CSF1R: variants seen among roughly 807,000 people sequenced by gnomAD.
CSF1R encodes colony stimulating factor 1 receptor.
In CSF1R, 40 loss-of-function variants were observed where a neutral mutation model predicts 110.0. The ratio of observed to expected loss-of-function variants is 0.36; its 90% CI spans 0.28 to 0.47. The LOEUF (loss-of-function observed/expected upper bound fraction) is 0.47. Among genes scored for constraint, CSF1R ranks in the 20% least tolerant of loss-of-function variants. The pLI, the probability that CSF1R is intolerant of heterozygous loss-of-function variation, is 0.99. For synonymous variants in CSF1R, 523 were observed against 503.4 expected (o/e 1.04, Z -0.52); for missense variants, 1,052 against 1,253.0 (o/e 0.84, Z 2.42).
chr5:150,100,936 C>CA, intron 1 of CSF1R, among the ~76,000 whole-genome samples: 1 of 152,188 alleles, frequency 6.6e-6, no homozygotes, highest in Non-Finnish European at 1.5e-5. Context: ...TACATGGTGG[C>CA]AAATGCCTTC....
rs1000260405 is a variant in CSF1R at position 150,070,680 on chromosome 5, T to C, written c.1083-109A>G. The C allele has an allele frequency of 1.6e-5, 12 of 772,444 alleles. No homozygotes were observed. In the African/African-American group the frequency reaches 2.2e-4, roughly 14 times the overall value. 47.8% of individuals were successfully genotyped at this position (772,444 alleles called of 1,614,324 possible). The stretch of plus-strand genomic sequence containing the variant: ...GGGGTTTATTTTATTTTTGGTAAAA[T>C]ATTCAGGGCCCAACGGCCTTGGGTA... On this transcript the variant is annotated intron_variant, in intron 6 of 20. Coordinates refer to ENST00000675795, the MANE Select transcript of CSF1R (RefSeq NM_001288705.3).
At chr5:150,076,332 A>G (rs1032539670) in intron 5 of CSF1R, among the ~76,000 whole-genome samples, 2 of 68,470 alleles carry the variant, frequency 2.9e-5, no homozygotes, top group African/African-American at 1.5e-4. Context: ...CTATCTATCT[A>G]TCTATCTATC....
At chr5:150,109,662 T>C (rs142283039) in intron 1 of CSF1R, among the ~76,000 whole-genome samples, 1 of 152,358 alleles carries the variant, frequency 6.6e-6, no homozygotes, top group East Asian at 1.9e-4. Context: ...GTTGTTTGTA[T>C]GTTTGATTTT....
At chr5:150,088,914 G>A (rs1050332878), upstream of CSF1R, among the ~76,000 whole-genome samples, 3 of 152,034 alleles carry the variant, frequency 2.0e-5, no homozygotes, top group East Asian at 1.9e-4. Context: ...ATACAACAGT[G>A]GTTTAACACA....
At chr5:150,087,646 C>T (rs2113847890), upstream of CSF1R, among the ~76,000 whole-genome samples, 1 of 152,258 alleles carries the variant, frequency 6.6e-6, no homozygotes, top group Non-Finnish European at 1.5e-5. Context: ...CCCTCTTTTC[C>T]TGGAGGCAAT....
chr5:150,081,796 C>G (rs1758554929), intron 1 of CSF1R, among the ~76,000 whole-genome samples: 1 of 152,214 alleles, frequency 6.6e-6, no homozygotes, highest in Admixed American at 6.5e-5. Flanking sequence ...ACTGGGAAGC[C>G]AATCTCTTTT....
rs772168972 is a variant in CSF1R, at chr5:150,069,903, C to T, written c.1480G>A (p.Gly494Ser). The part of the protein sequence containing the change: ...ECRAHNSVGS[G>S]SWAFIPISAG... ...GAGATGGGTATGAAGGCCCAGGAGCCACTCCCCACGCTGTTGTGGGCCCTG... is the reference window on the plus strand; with the variant it reads ...GAGATGGGTATGAAGGCCCAGGAGCTACTCCCCACGCTGTTGTGGGCCCTG... The change falls in exon 9 of 21, where the codon GGC (glycine) becomes AGC (serine). Residue 494 changes from glycine (G) to serine (S), a missense_variant. Transcript: ENST00000675795. The T allele has an allele frequency of 3.1e-6, 5 of 1,613,506 alleles. No individual in the cohort carries two copies. The Admixed American group carries it at 8.3e-5, about 27-fold the overall frequency.
At chr5:150,068,677 G>A (rs528372847) in intron 9 of CSF1R, among the ~76,000 whole-genome samples, 1 of 152,278 alleles carries the variant, frequency 6.6e-6, no homozygotes, top group East Asian at 1.9e-4. Flanking sequence ...TGGCTTGCAT[G>A]CACTACACCT....
upstream of CSF1R, among the ~76,000 whole-genome samples, chr5:150,091,191 TGAAAAA>T (rs1759026275): frequency 6.6e-6 from 1 of 152,052 alleles, no homozygotes; most frequent in Non-Finnish European, 1.5e-5. Flanking sequence ...TTGGTGAAAA[TGAAAAA>T]TGGTGCAGCT....
At chr5:150,080,381 T>C (rs1758481419) in intron 2 of CSF1R, 45 bp from the exon 3 acceptor site, 1 of 1,589,860 alleles carries the variant, frequency 6.3e-7, no homozygotes, top group East Asian at 2.2e-5. Flanking sequence ...CTCCCTCCAC[T>C]GGGCCAAGGA....
In CSF1R at chr5:150,053,841, G is replaced by A. The variant is rs1032006548; in HGVS notation, c.*228C>T. ...ACCATGAGAACAGTAGGGGAGGGGG[G>A]GGTGAGGGCTCAGCCCCCAGCCCCT... On this transcript the variant is annotated 3_prime_UTR_variant, in exon 21 of 21. Transcript: ENST00000675795. The A allele has an allele frequency of 6.8e-6, 4 of 590,402 alleles. No individual in the cohort carries two copies. The highest frequency in any genetic ancestry group is 3.7e-5 in the African/African-American group (2 of 53,594). 36.6% of individuals were successfully genotyped at this position (590,402 alleles called of 1,614,324 possible). A position where few individuals can be genotyped will look rare whatever the true frequency, so the allele number is the denominator to read the frequency against.
chr5:150,107,219 A>G (rs1759583110), intron 1 of CSF1R, among the ~76,000 whole-genome samples: 1 of 152,282 alleles, frequency 6.6e-6, no homozygotes. Context: ...GGCTCAGAGC[A>G]CTTTCCTGCA....
upstream of CSF1R, among the ~76,000 whole-genome samples, chr5:150,087,837 C>T (rs1345374514): frequency 6.6e-6 from 1 of 151,756 alleles, no homozygotes; most frequent in East Asian, 1.9e-4. Flanking sequence ...GGACTCAAGC[C>T]ATCCTCCTAC....
intron 1 of CSF1R, among the ~76,000 whole-genome samples, chr5:150,083,418 A>G (rs1758651801): frequency 6.7e-6 from 1 of 149,288 alleles, no homozygotes; most frequent in Admixed American, 6.6e-5. Context: ...CTAAGGCTGG[A>G]CACAGCCCCT....
In CSF1R at chr5:150,084,463, A is replaced by G. The variant is rs530440247; in HGVS notation, c.49+1916T>C. Among the ~76,000 whole-genome samples, 79 of 89,514 alleles carry G rather than the reference A, an allele frequency of 8.8e-4. 2 individuals are homozygous for G. The highest frequency in any genetic ancestry group is 8.4e-3 in the South Asian group (26 of 3,082). The allele number at this position is 89,514 out of a possible 152,430, so 58.7% of individuals were successfully genotyped here. ...GGAAGGAAGGAAGGAAGGAAGAAAG[A>G]AAGGAAGGAGATGGAGTCTTGCTCT... On this transcript the variant is annotated intron_variant, in intron 1 of 20. Coordinates refer to ENST00000675795, the MANE Select transcript of CSF1R (RefSeq NM_001288705.3).
At chr5:150,102,471 C>T (rs756701303) in intron 1 of CSF1R, among the ~76,000 whole-genome samples, 2 of 151,956 alleles carry the variant, frequency 1.3e-5, no homozygotes, top group African/African-American at 2.4e-5. Context: ...TTTATTGATT[C>T]ATTGGACTAT....
At chr5:150,064,992 C>T (rs1260790677) in intron 10 of CSF1R, among the ~76,000 whole-genome samples, 1 of 152,152 alleles carries the variant, frequency 6.6e-6, no homozygotes, top group Non-Finnish European at 1.5e-5. Flanking sequence ...GGGCGAGGCT[C>T]CCTGAGAAGG....
chr5:150,067,756 A>T (rs1757836738), intron 10 of CSF1R, among the ~76,000 whole-genome samples: 1 of 152,142 alleles, frequency 6.6e-6, no homozygotes, highest in African/African-American at 2.4e-5. Flanking sequence ...GTGCCAGGAC[A>T]CCCCTGGGCT....
intron 10 of CSF1R, among the ~76,000 whole-genome samples, chr5:150,064,980 A>G (rs922829394): frequency 6.6e-6 from 1 of 152,154 alleles, no homozygotes; most frequent in African/African-American, 2.4e-5. Flanking sequence ...AGAGGTGGGG[A>G]TGGGCGAGGC....
Sources: allele counts gnomAD v4.1 joint callset (sites outside exome capture counted in the v4.1 genomes callset), GRCh38; gene constraint gnomAD v4.1.1; transcripts MANE v1.5; gene names NCBI Gene and HGNC (gene_info 2026-07-23, HGNC 2026-07-21).